Variants in HSPBAP1 observed in about 807,000 individuals in gnomAD.
HSPBAP1 encodes the protein HSPB1 associated protein 1, also known as HSPB1-associated protein 1.
Under a neutral mutation model 45.2 loss-of-function variants are expected in HSPBAP1, and 27 were observed. That is an observed-to-expected ratio of 0.60 (90% CI 0.44 to 0.82). The LOEUF is 0.82. HSPBAP1 is among the 40% of genes least tolerant of loss of function. The pLI is 0.00. For missense variants in HSPBAP1, 510 were observed against 590.9 expected (o/e 0.86, Z 1.42); for synonymous variants, 204 against 202.7 (o/e 1.01, Z -0.06).
Position 122,793,778 on chromosome 3 carries a change from A to G in HSPBAP1, c.-98T>C. The G allele has an allele frequency of 1.7e-6, 2 of 1,161,256 alleles. No homozygotes were observed. Among genetic ancestry groups the G allele is most frequent in the South Asian group, 1.3e-5 (1 of 77,626 alleles). 71.9% of individuals were successfully genotyped at this position (1,161,256 alleles called of 1,614,324 possible). ...ACTCCGAGACCCGAAGCTGCACCACAGGAAGGAGCCCCGGCGACTCCCGCC... is the reference window on the plus strand; with the variant it reads ...ACTCCGAGACCCGAAGCTGCACCACGGGAAGGAGCCCCGGCGACTCCCGCC... On this transcript the variant is annotated 5_prime_UTR_variant, in exon 1 of 8. Transcript: ENST00000306103.
intron 5 of HSPBAP1, chr3:122,753,620 A>T (rs1164595434): frequency 2.0e-6 from 2 of 984,550 alleles, no homozygotes; most frequent in Non-Finnish European, 2.4e-6. Flanking sequence ...TTAAGAGCAG[A>T]GTAGATGGAA....
chr3:122,793,658 G>A lies in HSPBAP1; in HGVS notation c.23C>T (p.Thr8Ile). Residue 8 changes from threonine (T) to isoleucine (I), a missense_variant, in exon 1 of 8, where the codon ACC (threonine) becomes ATC (isoleucine). Thr to Ile is a moderately conservative substitution (Grantham distance 89, BLOSUM62 -1). Coordinates refer to ENST00000306103, the MANE Select transcript of HSPBAP1 (RefSeq NM_024610.6). Reference sequence around the variant, plus strand: ...CCCAGCCGCAACGATCACAGGAGTGGTCGCCTCGGAGCCTGCTGCCATGGC... The same window carrying A: ...CCCAGCCGCAACGATCACAGGAGTGATCGCCTCGGAGCCTGCTGCCATGGC... MAAGSEA[T>I]TPVIVAAGAG... 1 of 1,613,890 alleles carries A rather than the reference G, an allele frequency of 6.2e-7. No homozygotes were observed. The highest frequency in any genetic ancestry group is 8.5e-7 in the Non-Finnish European group (1 of 1,180,010).
chr3:122,744,723 G>A (rs1427273307), intron 6 of HSPBAP1, among the ~76,000 whole-genome samples: 2 of 152,174 alleles, frequency 1.3e-5, no homozygotes, highest in African/African-American at 2.4e-5. Context: ...TTATACAAAA[G>A]ATGACTAAAT....
chr3:122,753,357 G>A (rs71330909), intron 5 of HSPBAP1: 111,813 of 816,986 alleles, frequency 0.14, 8,000 homozygotes, highest in Admixed American at 0.16. Flanking sequence ...GGGAGATAAG[G>A]TAGGGGAATT....
chr3:122,780,108 C>T (rs1935360583), intron 1 of HSPBAP1, among the ~76,000 whole-genome samples: 1 of 149,518 alleles, frequency 6.7e-6, no homozygotes, highest in African/African-American at 2.4e-5. Flanking sequence ...CCCTCACCTC[C>T]CGGACGGGGC....
At position 122,768,785 on chromosome 3, in the gene HSPBAP1, T is replaced by G; in HGVS notation, c.348A>C (p.Arg116Ser). 1 of 1,611,868 alleles carries G rather than the reference T, an allele frequency of 6.2e-7. No individual in the cohort carries two copies. Among genetic ancestry groups the G allele is most frequent in the South Asian group, 1.1e-5 (1 of 91,048 alleles). The part of the protein sequence containing the change: ...CDQSSISGPF[R>S]DYDHSKFWAY... ...CCCAGAACTTGGAATGGTCATAATC[T>G]CTAAATGGTCCAGAAATACTAGACT... Residue 116 changes from arginine (R) to serine (S), a missense_variant, in exon 3 of 8, where the codon AGA becomes AGC. Physicochemically the swap from Arg to Ser is moderately radical, Grantham distance 110 (BLOSUM62 -1). Transcript: ENST00000306103.
At chr3:122,747,344 C>T (rs1215263763) in intron 6 of HSPBAP1, among the ~76,000 whole-genome samples, 3 of 151,998 alleles carry the variant, frequency 2.0e-5, no homozygotes, top group Admixed American at 1.3e-4. Context: ...TCTGCCCGGC[C>T]GCCCCGTCTG....
intron 3 of HSPBAP1, chr3:122,761,578 T>G (rs144600817): frequency 2.0e-5 from 3 of 149,592 alleles, no homozygotes; most frequent in Non-Finnish European, 4.4e-5. Context: ...AAGACCAGCG[T>G]GGGCAATGTT....
intron 1 of HSPBAP1, among the ~76,000 whole-genome samples, chr3:122,792,247 C>G (rs183500739): frequency 2.6e-5 from 4 of 152,268 alleles, no homozygotes; most frequent in Admixed American, 2.6e-4. Flanking sequence ...TTGTGCAGGA[C>G]TTTTTCCAGC....
chr3:122,780,799 G>A (rs1208800290), intron 1 of HSPBAP1, among the ~76,000 whole-genome samples: 17 of 145,570 alleles, frequency 1.2e-4, no homozygotes, highest in Admixed American at 3.4e-4. Flanking sequence ...CTTCTCAGAC[G>A]GGGCGGTTGC....
intron 3 of HSPBAP1, among the ~76,000 whole-genome samples, chr3:122,768,191 G>A (rs1240983665): frequency 6.6e-6 from 1 of 152,146 alleles, no homozygotes; most frequent in East Asian, 1.9e-4. Flanking sequence ...CTTCTACAGG[G>A]CTTCCACTAC....
At chr3:122,770,491 G>C (rs909163274) in intron 2 of HSPBAP1, among the ~76,000 whole-genome samples, 2 of 152,100 alleles carry the variant, frequency 1.3e-5, no homozygotes, top group African/African-American at 4.8e-5. Context: ...TTGAGCCCAG[G>C]AGTTTGAGAT....
intron 2 of HSPBAP1, among the ~76,000 whole-genome samples, chr3:122,773,313 T>A (rs922985680): frequency 1.4e-5 from 2 of 142,988 alleles, no homozygotes; most frequent in African/African-American, 2.6e-5. Context: ...GTTTTTTTTT[T>A]TTTTTTTTTT....
At chr3:122,755,099 A>G (rs1934296538) in intron 5 of HSPBAP1, 161 bp downstream of exon 5, 3 of 1,228,298 alleles carry the variant, frequency 2.4e-6, no homozygotes, top group Admixed American at 4.2e-5. Flanking sequence ...ATGTGTCTGA[A>G]GCCTACAACT....
rs889813388 is a variant in HSPBAP1, at chr3:122,777,885, T to C, written c.86A>G (p.Lys29Arg). 1.2e-6 allele frequency: 2 copies of C among 1,612,876 alleles called. No homozygotes were observed. The highest frequency in any genetic ancestry group is 1.1e-5 in the South Asian group (1 of 90,914). ...GEEGEHVKPFKPEKAKEIIMS... is the reference protein window; with the variant it reads ...GEEGEHVKPFRPEKAKEIIMS... ...GATAATTTCTTTTGCTTTCTCTGGC[T>C]TAAAAGGTTTGACATGTTCACCTAG... Residue 29 changes from lysine (K) to arginine (R), a missense_variant, in exon 2 of 8, where the codon AAG (lysine) becomes AGG (arginine). Lys to Arg is a conservative substitution (Grantham distance 26, BLOSUM62 2). Coordinates refer to ENST00000306103, the MANE Select transcript of HSPBAP1 (RefSeq NM_024610.6).
chr3:122,761,266 C>T (rs1286662228), intron 3 of HSPBAP1, among the ~76,000 whole-genome samples: 1 of 152,120 alleles, frequency 6.6e-6, no homozygotes, highest in African/African-American at 2.4e-5. Context: ...CTAATGAATA[C>T]CAAAGCCCCT....
chr3:122,793,728 G>A lies in HSPBAP1; in HGVS notation c.-48C>T. 1 of 1,591,770 alleles carries A rather than the reference G, an allele frequency of 6.3e-7. No homozygotes were observed. Among genetic ancestry groups the A allele is most frequent in the Non-Finnish European group, 8.6e-7 (1 of 1,161,124 alleles). On this transcript the variant is annotated 5_prime_UTR_variant, in exon 1 of 8. Coordinates refer to ENST00000306103, the MANE Select transcript of HSPBAP1 (RefSeq NM_024610.6). ...CCGGAACCCAAGGCGGAGCGGAGCT[G>A]GGGTGGGGTCAGAGTAGGGGCCAAA... is the stretch of plus-strand genomic sequence containing the variant.
chr3:122,769,018 G>A, intron 2 of HSPBAP1, 136 bp from the exon 3 acceptor site: 1 of 634,928 alleles, frequency 1.6e-6, no homozygotes, highest in Non-Finnish European at 2.7e-6. Flanking sequence ...TGAGCCAGGT[G>A]TGGTGGTGCA....
At chr3:122,763,960 C>G (rs1213979666) in intron 3 of HSPBAP1, among the ~76,000 whole-genome samples, 1 of 152,238 alleles carries the variant, frequency 6.6e-6, no homozygotes, top group African/African-American at 2.4e-5. Context: ...CTCATGCCCC[C>G]TTCAATTTCT....
Sources: gnomAD v4.1 joint callset for allele counts (sites outside exome capture counted in the v4.1 genomes callset) on GRCh38, gnomAD v4.1.1 for gene constraint, MANE v1.5 for transcripts, NCBI Gene and HGNC (gene_info 2026-07-23, HGNC 2026-07-21) for gene names.